Variants in SYT9 observed in about 807,000 individuals in gnomAD.
The protein encoded by SYT9 is synaptotagmin 9.
Under a neutral mutation model 48.4 loss-of-function variants are expected in SYT9, and 22 were observed. The ratio of observed to expected loss-of-function variants is 0.45; its 90% confidence interval spans 0.32 to 0.65. SYT9 has a LOEUF of 0.65. SYT9 is among the 30% of genes least tolerant of loss of function. The probability of loss-of-function intolerance (pLI) is 0.03; values close to 1 mark genes in which losing one functional copy is unlikely to be tolerated. For missense variants in SYT9, 577 were observed against 622.0 expected (o/e 0.93, Z 0.77); for synonymous variants, 265 against 245.0 (o/e 1.08, Z -0.76).
At chr11:7,367,694 T>C (rs1298239096) in intron 3 of SYT9, among the ~76,000 whole-genome samples, 1 of 152,096 alleles carries the variant, frequency 6.6e-6, no homozygotes, top group African/African-American at 2.4e-5. Context: ...CTCTTTGAAA[T>C]TAAAGGTGTC....
intron 3 of SYT9, among the ~76,000 whole-genome samples, chr11:7,319,467 C>T (rs1212280038): frequency 6.6e-6 from 1 of 152,000 alleles, no homozygotes. Context: ...ATATATATTC[C>T]TTTGTATAGG....
Position 7,466,930 on chromosome 11 carries a change from C to T in SYT9, c.*130C>T, listed in dbSNP as rs769115116. ...ACCAAATGCTCAGCTGTAACCACAG[C>T]ACTAACTGGCCTTCTTTCCAGATTG... is the stretch of plus-strand genomic sequence containing the variant. On this transcript the variant is annotated 3_prime_UTR_variant, in exon 7 of 7. Transcript: ENST00000318881. 18 of 1,142,610 alleles carry T rather than the reference C, an allele frequency of 1.6e-5. No homozygotes were observed. The highest frequency in any genetic ancestry group is 1.3e-4 in the African/African-American group (8 of 63,808). 70.8% of individuals were successfully genotyped at this position (1,142,610 alleles called of 1,614,324 possible).
At chr11:7,447,326 A>G (rs1018377075) in intron 6 of SYT9, among the ~76,000 whole-genome samples, 2 of 152,164 alleles carry the variant, frequency 1.3e-5, no homozygotes, top group African/African-American at 4.8e-5. Flanking sequence ...GGGCACACAG[A>G]GGCCTTCACA....
chr11:7,321,305 T>C (rs1849333918), intron 3 of SYT9, among the ~76,000 whole-genome samples: 1 of 97,832 alleles, frequency 1.0e-5, no homozygotes, highest in South Asian at 4.9e-4. Flanking sequence ...GACTTTCCTG[T>C]TCTGTCTCCC....
At chr11:7,328,079 TAATA>T (rs1849465818) in intron 3 of SYT9, among the ~76,000 whole-genome samples, 1 of 1,066 alleles carries the variant, frequency 9.4e-4, no homozygotes, top group Non-Finnish European at 0.01. Flanking sequence ...TAATTAAAAA[TAATA>T]ATAATAATAA....
At chr11:7,340,834 G>A (rs1849700477) in intron 3 of SYT9, among the ~76,000 whole-genome samples, 1 of 152,218 alleles carries the variant, frequency 6.6e-6, no homozygotes, top group South Asian at 2.1e-4. Flanking sequence ...TGGAGTCTTA[G>A]GCCAGGAGGC....
chr11:7,239,048 G>C (rs1250824400), intron 1 of SYT9: 2 of 410,670 alleles, frequency 4.9e-6, no homozygotes. Context: ...ATTGTTTCTG[G>C]CTACCTGACA....
intron 6 of SYT9, among the ~76,000 whole-genome samples, chr11:7,422,584 T>G (rs1055603660): frequency 2.0e-5 from 3 of 152,332 alleles, no homozygotes; most frequent in Non-Finnish European, 4.4e-5. Flanking sequence ...TTTTGCACCC[T>G]TATGAGCCAT....
chr11:7,290,912 T>C (rs1047347734), intron 1 of SYT9, among the ~76,000 whole-genome samples: 1 of 152,142 alleles, frequency 6.6e-6, no homozygotes, highest in African/African-American at 2.4e-5. Context: ...TACAGGAACA[T>C]ATAACAAAGA....
intron 5 of SYT9, among the ~76,000 whole-genome samples, chr11:7,418,882 G>C (rs1564897201): frequency 6.6e-6 from 1 of 152,190 alleles, no homozygotes; most frequent in African/African-American, 2.4e-5. Context: ...TCTTTAATTG[G>C]AAACCTCCCA....
chr11:7,418,401 C>T (rs370778446), intron 5 of SYT9, among the ~76,000 whole-genome samples: 4 of 152,182 alleles, frequency 2.6e-5, no homozygotes, highest in Non-Finnish European at 4.4e-5. Context: ...CCACCTCTTC[C>T]CCTTTTCATC....
At chr11:7,448,419 C>T (rs530924960) in intron 6 of SYT9, among the ~76,000 whole-genome samples, 54 of 152,364 alleles carry the variant, frequency 3.5e-4, no homozygotes, top group African/African-American at 9.6e-4. Flanking sequence ...ACATCTTCTC[C>T]GTTCAGGGCT....
chr11:7,384,240 C>G (rs543550459), intron 3 of SYT9, among the ~76,000 whole-genome samples: 1 of 152,158 alleles, frequency 6.6e-6, no homozygotes, highest in African/African-American at 2.4e-5. Flanking sequence ...TTTTTCCTCC[C>G]AGGAGTTGGT....
At chr11:7,434,456 T>C (rs938636195) in intron 6 of SYT9, among the ~76,000 whole-genome samples, 1 of 152,008 alleles carries the variant, frequency 6.6e-6, no homozygotes, top group African/African-American at 2.4e-5. Flanking sequence ...TCATAGGAAG[T>C]TTTTAAGATC....
Position 7,406,580 on chromosome 11 carries a change from T to G in SYT9, c.1045-9462T>G, listed in dbSNP as rs1238070100. Among the ~76,000 whole-genome samples, 3 of 149,000 alleles carry G rather than the reference T, an allele frequency of 2.0e-5. No individual in the cohort carries two copies. In the South Asian group the frequency reaches 6.4e-4, roughly 32 times the overall value. ...TATATATATATATAGCACATTTTCT[T>G]TATTAATTTGTCCGTCGATGGACAC... On this transcript the variant is annotated intron_variant, in intron 3 of 6. Transcript: ENST00000318881.
chr11:7,376,787 C>T (rs1850463154), intron 3 of SYT9, among the ~76,000 whole-genome samples: 1 of 151,836 alleles, frequency 6.6e-6, no homozygotes, highest in Admixed American at 6.6e-5. Context: ...TAAAAATGTC[C>T]ACCTTTGAAT....
chr11:7,332,801 A>G (rs561758327), intron 3 of SYT9, among the ~76,000 whole-genome samples: 25 of 152,356 alleles, frequency 1.6e-4, no homozygotes, highest in Non-Finnish European at 3.2e-4. Context: ...GCTAGATGAA[A>G]AAAACAAATC....
At chr11:7,389,827 T>G (rs1302518039) in intron 3 of SYT9, among the ~76,000 whole-genome samples, 1 of 151,838 alleles carries the variant, frequency 6.6e-6, no homozygotes, top group African/African-American at 2.4e-5. Context: ...AAAACCTGCT[T>G]GGGAGGAAAA....
intron 3 of SYT9, among the ~76,000 whole-genome samples, chr11:7,342,939 C>G (rs1849738947): frequency 6.6e-6 from 1 of 152,194 alleles, no homozygotes; most frequent in South Asian, 2.1e-4. Context: ...TGGAAGTTGC[C>G]AAGGCTTGGG....
Sources: allele counts gnomAD v4.1 joint callset (sites outside exome capture counted in the v4.1 genomes callset), GRCh38; gene constraint gnomAD v4.1.1; transcripts MANE v1.5; gene names NCBI Gene and HGNC (gene_info 2026-07-23, HGNC 2026-07-21).